Variants in FOXO1 observed in about 807,000 individuals in gnomAD.
FOXO1 encodes forkhead box protein O1.
Under a neutral mutation model 44.1 loss-of-function variants are expected in FOXO1, and 6 were observed. The observed-to-expected ratio is 0.14, with a 90% confidence interval of 0.07 to 0.27. The LOEUF (loss-of-function observed/expected upper bound fraction) is 0.27, where lower values mean the gene tolerates loss of function less well. FOXO1 is among the 10% of genes least tolerant of loss of function. FOXO1 has a pLI of 1.00. For missense variants in FOXO1, 737 were observed against 888.8 expected (o/e 0.83, Z 2.17); for synonymous variants, 380 against 362.7 (o/e 1.05, Z -0.54).
intron 1 of FOXO1, among the ~76,000 whole-genome samples, chr13:40,571,351 C>T (rs776793402): frequency 6.6e-6 from 1 of 152,006 alleles, no homozygotes; most frequent in Non-Finnish European, 1.5e-5. Flanking sequence ...TGCACATGTA[C>T]CCTAGAACTT....
intron 1 of FOXO1, among the ~76,000 whole-genome samples, chr13:40,663,368 C>CAATGCCATTTGAG (rs1179942556): frequency 6.6e-6 from 1 of 152,212 alleles, no homozygotes; most frequent in Non-Finnish European, 1.5e-5. Context: ...AACACTCTGA[C>CAATGCCATTTGAG]AATGCCATTT....
Position 40,559,715 on chromosome 13 carries a change from A to T in FOXO1, c.1776T>A (p.Leu592=), listed in dbSNP as rs564402015. The T allele has an allele frequency of 1.9e-6, 3 of 1,614,056 alleles. No individual in the cohort carries two copies. In the Admixed American group the frequency reaches 5.0e-5, roughly 27 times the overall value. ...CACTTGGGAGCTTCTCCTGGTGGAG[A>T]AGGCCCATTCTGCCATAGCCATTGC... is the stretch of plus-strand genomic sequence containing the variant. The part of the protein sequence containing the change: ...SSCNGYGRMG[L]LHQEKLPSDL... Residue 592 remains leucine (L), a synonymous_variant, in exon 2 of 3, where the codon CTT becomes CTA. Coordinates refer to ENST00000379561, the MANE Select transcript of FOXO1 (RefSeq NM_002015.4).
At chr13:40,604,139 T>C (rs1339965953) in intron 1 of FOXO1, among the ~76,000 whole-genome samples, 2 of 151,966 alleles carry the variant, frequency 1.3e-5, no homozygotes, top group Non-Finnish European at 2.9e-5. Flanking sequence ...GTGATTTATA[T>C]TGAATGTGAC....
At chr13:40,595,299 T>C (rs1293429378) in intron 1 of FOXO1, among the ~76,000 whole-genome samples, 2 of 152,160 alleles carry the variant, frequency 1.3e-5, no homozygotes, top group African/African-American at 4.8e-5. Flanking sequence ...GCCTAACCAG[T>C]AAGTTGGAGG....
chr13:40,589,643 A>C (rs1434426535), intron 1 of FOXO1, among the ~76,000 whole-genome samples: 1 of 152,260 alleles, frequency 6.6e-6, no homozygotes. Flanking sequence ...GCTGCCTCCT[A>C]AATTAATCAG....
intron 1 of FOXO1, among the ~76,000 whole-genome samples, chr13:40,622,941 G>A (rs1214854144): frequency 6.6e-6 from 1 of 152,206 alleles, no homozygotes; most frequent in East Asian, 1.9e-4. Flanking sequence ...CTTCCAGGGT[G>A]TGATTCAAAG....
intron 1 of FOXO1, among the ~76,000 whole-genome samples, chr13:40,581,309 T>G (rs1192170608): frequency 6.6e-6 from 1 of 152,170 alleles, no homozygotes; most frequent in Admixed American, 6.5e-5. Flanking sequence ...TGAAAGATAC[T>G]CATGAGAACT....
intron 1 of FOXO1, among the ~76,000 whole-genome samples, chr13:40,608,555 A>G (rs1424815737): frequency 6.6e-5 from 10 of 152,366 alleles, no homozygotes; most frequent in Non-Finnish European, 1.2e-4. Context: ...CCTTCAAGTC[A>G]AAAATGCATA....
rs1170700007 is a variant in FOXO1 at position 40,665,922 on chromosome 13, C to T, written c.291G>A (p.Ala97=). The change falls in exon 1 of 3, where the codon GCG becomes GCA. Residue 97 remains alanine, a synonymous_variant. Transcript: ENST00000379561. ...PGSVAAAVAA[A]AAAAATGGLC... is the part of the protein sequence containing the mutation. Reference sequence around the variant, plus strand: ...GCCCCCCGGTGGCGGCCGCGGCGGCCGCCGCCGCCACCGCCGCCGCCACGG... The same window carrying T: ...GCCCCCCGGTGGCGGCCGCGGCGGCTGCCGCCGCCACCGCCGCCGCCACGG... The T allele has an allele frequency of 1.7e-6, 2 of 1,201,410 alleles. No homozygotes were observed. The highest frequency in any genetic ancestry group is 2.1e-6 in the Non-Finnish European group (2 of 971,258). 74.4% of individuals were successfully genotyped at this position (1,201,410 alleles called of 1,614,324 possible). A position where few individuals can be genotyped will look rare whatever the true frequency, so the allele number is the denominator to read the frequency against.
chr13:40,581,490 G>C (rs919799033), intron 1 of FOXO1, among the ~76,000 whole-genome samples: 3 of 152,128 alleles, frequency 2.0e-5, no homozygotes, highest in African/African-American at 7.2e-5. Flanking sequence ...CCAAACTGCA[G>C]TAACTACACC....
chr13:40,594,364 T>C (rs73465244), intron 1 of FOXO1, among the ~76,000 whole-genome samples: 113 of 152,142 alleles, frequency 7.4e-4, no homozygotes, highest in African/African-American at 2.5e-3. Flanking sequence ...GGCCAGAGAA[T>C]GCAAAGCGCT....
At chr13:40,655,637 CTTTTT>C (rs774180443) in intron 1 of FOXO1, among the ~76,000 whole-genome samples, 8 of 101,318 alleles carry the variant, frequency 7.9e-5, no homozygotes, top group Admixed American at 1.2e-4. Context: ...TTCTACACTT[CTTTTT>C]TTTTTTTTTT....
chr13:40,561,018 G>T (rs537287559), intron 1 of FOXO1, among the ~76,000 whole-genome samples, 158 bp from the exon 2 acceptor site: 278 of 152,232 alleles, frequency 1.8e-3, no homozygotes, highest in African/African-American at 6.4e-3. Flanking sequence ...CACTACAAAA[G>T]ATCTCAAATA....
intron 1 of FOXO1, among the ~76,000 whole-genome samples, chr13:40,590,319 T>A (rs1054111511): frequency 6.6e-6 from 1 of 152,214 alleles, no homozygotes; most frequent in Non-Finnish European, 1.5e-5. Context: ...GAATGTGTAC[T>A]ATACTATGGG....
At chr13:40,632,258 G>C (rs1416925659) in intron 1 of FOXO1, among the ~76,000 whole-genome samples, 1 of 152,186 alleles carries the variant, frequency 6.6e-6, no homozygotes, top group Non-Finnish European at 1.5e-5. Context: ...GTGACACAGC[G>C]AGACTCCGTC....
chr13:40,640,799 TTG>T (rs1358151792), intron 1 of FOXO1, among the ~76,000 whole-genome samples: 2 of 96,046 alleles, frequency 2.1e-5, no homozygotes, highest in African/African-American at 6.3e-5. Flanking sequence ...TTGTTGTTGT[TTG>T]AGACAGAGTT....
intron 1 of FOXO1, among the ~76,000 whole-genome samples, chr13:40,623,590 C>G (rs1876688589): frequency 6.6e-6 from 1 of 152,000 alleles, no homozygotes; most frequent in Non-Finnish European, 1.5e-5. Context: ...GTCATATGAA[C>G]CACTGTAAGT....
chr13:40,595,365 T>C (rs1210462920), intron 1 of FOXO1, among the ~76,000 whole-genome samples: 1 of 152,190 alleles, frequency 6.6e-6, no homozygotes, highest in East Asian at 1.9e-4. Flanking sequence ...CAAGGGATCA[T>C]CAGGGATCTA....
At position 40,659,314 on chromosome 13, in the gene FOXO1, C is replaced by CA. The variant is rs1210028542; in HGVS notation, c.630+6268dup. Among the ~76,000 whole-genome samples, 816 of 87,430 alleles carry CA rather than the reference C, an allele frequency of 9.3e-3. 26 individuals carry two copies. Among genetic ancestry groups the CA allele is most frequent in the East Asian group, 0.032 (111 of 3,506 alleles). The allele number at this position is 87,430 out of a possible 152,430, so 57.4% of individuals were successfully genotyped here. A position where few individuals can be genotyped will look rare whatever the true frequency, so the allele number is the denominator to read the frequency against. On this transcript the variant is annotated intron_variant, in intron 1 of 2. Transcript: ENST00000379561. ...TGGGTGACAGAGCAAGACTCCGTCT[C>CA]AAAAAAAAAAAAAAAAAGAAAAGAA...
Sources: gnomAD v4.1 joint callset for allele counts (sites outside exome capture counted in the v4.1 genomes callset) on GRCh38, gnomAD v4.1.1 for gene constraint, MANE v1.5 for transcripts, NCBI Gene and HGNC (gene_info 2026-07-23, HGNC 2026-07-21) for gene names.